Variants in CACHD1 observed in about 807,000 individuals in gnomAD.
CACHD1 encodes cache domain containing 1.
CACHD1 carries 71 observed loss-of-function variants against 138.7 expected under a neutral mutation model. The ratio of observed to expected loss-of-function variants is 0.51; its 90% CI spans 0.42 to 0.62. CACHD1 has a LOEUF of 0.62. Ranked by LOEUF, CACHD1 falls within the 20% of genes least tolerant of loss-of-function variation. The pLI, the probability that CACHD1 is intolerant of heterozygous loss-of-function variation, is 0.00. For missense variants in CACHD1, 1,389 were observed against 1,625.3 expected, an observed-to-expected ratio of 0.85 and a Z score of 2.50; for synonymous variants, 578 against 591.5, an observed-to-expected ratio of 0.98 and a Z score of 0.33.
intron 1 of CACHD1, among the ~76,000 whole-genome samples, chr1:64,477,781 C>T (rs1255028549): frequency 6.6e-6 from 1 of 151,020 alleles, no homozygotes; most frequent in Non-Finnish European, 1.5e-5. Context: ...ACTACAGGCG[C>T]CTGCCACCGC....
chr1:64,550,735 C>CT, intron 2 of CACHD1, 79 bp downstream of exon 2: 1 of 933,604 alleles, frequency 1.1e-6, no homozygotes, highest in Non-Finnish European at 1.7e-6. Flanking sequence ...TCCAAGCAAT[C>CT]TCCACTTGAG....
At chr1:64,599,001 A>T (rs1647188235) in intron 3 of CACHD1, among the ~76,000 whole-genome samples, 1 of 151,298 alleles carries the variant, frequency 6.6e-6, no homozygotes, top group African/African-American at 2.4e-5. Flanking sequence ...CAGAGCCCCC[A>T]TGAATGGCAT....
At chr1:64,567,191 T>C (rs761119730) in intron 2 of CACHD1, among the ~76,000 whole-genome samples, 1 of 152,276 alleles carries the variant, frequency 6.6e-6, no homozygotes, top group East Asian at 1.9e-4. Context: ...TATTCTATAC[T>C]TGGCATTGTA....
chr1:64,542,587 A>G (rs1057394407), intron 1 of CACHD1, among the ~76,000 whole-genome samples: 4 of 152,038 alleles, frequency 2.6e-5, no homozygotes, highest in Non-Finnish European at 5.9e-5. Context: ...TTTCTCTGTT[A>G]TATATTCAAT....
At chr1:64,581,221 A>G (rs749010555) in intron 2 of CACHD1, among the ~76,000 whole-genome samples, 2 of 152,178 alleles carry the variant, frequency 1.3e-5, no homozygotes, top group Non-Finnish European at 2.9e-5. Context: ...AGATATTTTG[A>G]TTTGACTCCA....
Position 64,613,927 on chromosome 1 carries a change from A to G in CACHD1, c.517+11015A>G, listed in dbSNP as rs370596598. Among the ~76,000 whole-genome samples the G allele has an allele frequency of 6.6e-5, 10 of 152,314 alleles. No individual in the cohort carries two copies. The South Asian group carries it at 2.1e-3, about 32-fold the overall frequency. ...TATTTATTGAATAACCACCTTCAGG[A>G]CACACATCTCACTGTGATTTTCCTG... is the stretch of plus-strand genomic sequence containing the variant. On this transcript the variant is annotated intron_variant, in intron 4 of 26. Transcript: ENST00000651257.
chr1:64,558,225 A>T (rs961070794), intron 2 of CACHD1, among the ~76,000 whole-genome samples: 1 of 152,210 alleles, frequency 6.6e-6, no homozygotes, highest in African/African-American at 2.4e-5. Flanking sequence ...TGAACAGTTG[A>T]TCCTTTTCAT....
chr1:64,497,373 G>C (rs1253791482), intron 1 of CACHD1, among the ~76,000 whole-genome samples: 1 of 152,124 alleles, frequency 6.6e-6, no homozygotes, highest in African/African-American at 2.4e-5. Flanking sequence ...TTGTGGGCTG[G>C]GGGAAATAAA....
At chr1:64,590,222 TGA>T (rs1647088158) in intron 3 of CACHD1, among the ~76,000 whole-genome samples, 1 of 149,786 alleles carries the variant, frequency 6.7e-6, no homozygotes, top group African/African-American at 2.5e-5. Context: ...CTCGGGAGGC[TGA>T]GGCAGGAGAA....
chr1:64,553,079 C>G (rs1570359860), intron 2 of CACHD1, among the ~76,000 whole-genome samples: 1 of 152,204 alleles, frequency 6.6e-6, no homozygotes, highest in East Asian at 1.9e-4. Flanking sequence ...TTGTTATTAT[C>G]ATTTAGCCTA....
intron 2 of CACHD1, among the ~76,000 whole-genome samples, chr1:64,579,489 CT>C (rs1646994860): frequency 6.6e-6 from 1 of 152,078 alleles, no homozygotes; most frequent in South Asian, 2.1e-4. Flanking sequence ...TTAATTACAT[CT>C]TATGTTCATT....
chr1:64,483,730 A>G lies in CACHD1; in HGVS notation c.198+12788A>G, dbSNP rs371916184. On this transcript the variant is annotated intron_variant, in intron 1 of 26. Transcript: ENST00000651257. ...TGCCAAGGAGATCTTTTAGAAATGC[A>G]AGTCAGATGTCATACCTCTGCTTAA... Among the ~76,000 whole-genome samples the G allele has an allele frequency of 7.1e-4, 107 of 151,374 alleles. 2 individuals carry two copies. In the Middle Eastern group the frequency reaches 0.024, roughly 34 times the overall value.
At chr1:64,496,712 GTC>G (rs1300565500) in intron 1 of CACHD1, among the ~76,000 whole-genome samples, 19 of 152,030 alleles carry the variant, frequency 1.2e-4, no homozygotes. Flanking sequence ...GTGAGTCAAA[GTC>G]TCTTCCAGCT....
intron 2 of CACHD1, among the ~76,000 whole-genome samples, chr1:64,569,857 C>A (rs1412863797): frequency 6.6e-6 from 1 of 152,104 alleles, no homozygotes; most frequent in African/African-American, 2.4e-5. Context: ...TAAAGGCCAG[C>A]AAGCCTGTAT....
intron 5 of CACHD1, among the ~76,000 whole-genome samples, chr1:64,631,044 G>A (rs1239650256): frequency 2.0e-5 from 3 of 152,136 alleles, no homozygotes. Context: ...TCAGGACATA[G>A]CAACACAAGA....
intron 1 of CACHD1, among the ~76,000 whole-genome samples, chr1:64,479,499 CATT>C (rs1242384344): frequency 3.9e-5 from 6 of 152,040 alleles, no homozygotes; most frequent in African/African-American, 1.2e-4. Context: ...GGAAAGATGG[CATT>C]ATGGTTTTGG....
At chr1:64,660,820 C>A (rs181109664) in intron 13 of CACHD1, among the ~76,000 whole-genome samples, 1 of 152,264 alleles carries the variant, frequency 6.6e-6, no homozygotes, top group African/African-American at 2.4e-5. Context: ...GCCACTGTGC[C>A]CAGCCACTTT....
chr1:64,538,141 C>T (rs1255436895), intron 1 of CACHD1, among the ~76,000 whole-genome samples: 1 of 152,124 alleles, frequency 6.6e-6, no homozygotes, highest in Non-Finnish European at 1.5e-5. Flanking sequence ...CTGGCTGTGA[C>T]AGCCTGAAAA....
chr1:64,676,042 ATATG>A, intron 21 of CACHD1, 59 bp downstream of exon 21: 3 of 560,726 alleles, frequency 5.4e-6, no homozygotes, highest in Non-Finnish European at 7.7e-6. Context: ...ATAATAATAC[ATATG>A]TAATACTGTG....
Sources: allele counts gnomAD v4.1 joint callset (sites outside exome capture counted in the v4.1 genomes callset), GRCh38; gene constraint gnomAD v4.1.1; transcripts MANE v1.5; gene names NCBI Gene and HGNC (gene_info 2026-07-23, HGNC 2026-07-21).